The following ANKRD18B variants were observed in gnomAD, a reference collection of about 807,000 sequenced individuals.
The protein encoded by ANKRD18B is ankyrin repeat domain 18B, also known as ankyrin repeat domain-containing protein 18B.
Under a neutral mutation model 111.8 loss-of-function variants are expected in ANKRD18B, and 75 were observed. The ratio of observed to expected loss-of-function variants is 0.67; its 90% CI spans 0.56 to 0.81. The LOEUF is 0.81. ANKRD18B is among the 40% of genes least tolerant of loss of function. The pLI, the probability that ANKRD18B is intolerant of heterozygous loss-of-function variation, is 0.00. For synonymous variants in ANKRD18B, 356 were observed against 417.3 expected, an observed-to-expected ratio of 0.85 and a Z score of 1.79; for missense variants, 1,038 against 1,225.5, an observed-to-expected ratio of 0.85 and a Z score of 2.28.
chr9:33,570,550 G>T (rs557490170), intron 17 of ANKRD18B, among the ~76,000 whole-genome samples: 1 of 151,006 alleles, frequency 6.6e-6, no homozygotes, highest in East Asian at 1.9e-4. Flanking sequence ...AGTAAAAAAT[G>T]GATTAAACTT....
intron 1 of ANKRD18B, among the ~76,000 whole-genome samples, chr9:33,528,478 C>T (rs537572805): frequency 2.2e-4 from 33 of 152,234 alleles, no homozygotes; most frequent in Non-Finnish European, 3.8e-4. Context: ...GGTAGGTGAC[C>T]GAGTTCAAAG....
At chr9:33,533,280 G>A (rs1828143099) in intron 3 of ANKRD18B, among the ~76,000 whole-genome samples, 159 bp from the exon 4 acceptor site, 1 of 152,212 alleles carries the variant, frequency 6.6e-6, no homozygotes, top group Admixed American at 6.5e-5. Flanking sequence ...TCAAGGCAGT[G>A]TGTGGGAAAG....
At chr9:33,567,964 C>A (rs556340631) in intron 16 of ANKRD18B, among the ~76,000 whole-genome samples, 2 of 152,342 alleles carry the variant, frequency 1.3e-5, no homozygotes, top group East Asian at 3.9e-4. Flanking sequence ...GCAGAAAGAA[C>A]AAGCCCCACC....
intron 15 of ANKRD18B, 107 bp downstream of exon 15, chr9:33,566,607 G>GTA: frequency 2.2e-6 from 3 of 1,349,048 alleles, no homozygotes; most frequent in South Asian, 2.9e-5. Context: ...CCTCTCTTAC[G>GTA]GCAATTTCCT....
At chr9:33,527,110 C>G (rs1828035460) in intron 1 of ANKRD18B, among the ~76,000 whole-genome samples, 1 of 152,172 alleles carries the variant, frequency 6.6e-6, no homozygotes, top group Non-Finnish European at 1.5e-5. Flanking sequence ...TCCCACCTTT[C>G]AAGCAAAAGC....
chr9:33,558,280 T>C, intron 14 of ANKRD18B, 93 bp downstream of exon 14: 2 of 1,382,486 alleles, frequency 1.4e-6, no homozygotes, highest in Non-Finnish European at 2.0e-6. Flanking sequence ...GCCATGATGG[T>C]TTGCTGCACG....
In ANKRD18B at chr9:33,536,883, A is replaced by G. The variant is rs1043442788; in HGVS notation, c.746A>G (p.Gln249Arg). 7 of 1,486,916 alleles carry G rather than the reference A, an allele frequency of 4.7e-6. No homozygotes were observed. The African/African-American group carries it at 1.0e-4, about 21-fold the overall frequency. 92.1% of individuals were successfully genotyped at this position (1,486,916 alleles called of 1,614,324 possible). Residue 249 changes from glutamine (Q) to arginine (R), a missense_variant, in exon 6 of 19, where the codon CAA (glutamine) becomes CGA (arginine). By Grantham distance (43) the Gln-to-Arg change is conservative (BLOSUM62 1). Transcript: ENST00000684830. ...YAFCCDLRSIQQQILEHKNKM... is the reference protein window; with the variant it reads ...YAFCCDLRSIRQQILEHKNKM... The stretch of plus-strand genomic sequence containing the variant: ...ATTACATTTATTATGCATAGCATCC[A>G]ACAACAAATTTTGGAACATAAAAAT...
chr9:33,548,811 A>G lies in ANKRD18B; in HGVS notation c.2023A>G (p.Lys675Glu). The G allele has an allele frequency of 6.6e-7, 1 of 1,513,624 alleles. No individual in the cohort carries two copies. Among genetic ancestry groups the G allele is most frequent in the Non-Finnish European group, 8.8e-7 (1 of 1,132,318 alleles). 93.8% of individuals were successfully genotyped at this position (1,513,624 alleles called of 1,614,324 possible). Residue 675 changes from lysine (K) to glutamate (E), a missense_variant, in exon 11 of 19, where the codon AAA becomes GAA. Around this residue, in one of 4 missense-constraint regions of ANKRD18B, gnomAD observed 524 missense variants for 677.9 expected, o/e 0.77. Transcript: ENST00000684830. ...KELMNEYNYL[K>E]EKLLQYEKEK... is the part of the protein sequence containing the mutation. ...ATTAATGAATGAATATAATTATTTA[A>G]AAGAAAAACTGCTTCAGTATGAAAA...
intron 10 of ANKRD18B, among the ~76,000 whole-genome samples, chr9:33,544,213 G>C (rs559871078): frequency 6.6e-6 from 1 of 152,286 alleles, no homozygotes; most frequent in East Asian, 1.9e-4. Context: ...CAAACAGTGA[G>C]AGTTAAGCTT....
At chr9:33,529,969 C>T (rs1828087243) in intron 3 of ANKRD18B, among the ~76,000 whole-genome samples, 1 of 152,132 alleles carries the variant, frequency 6.6e-6, no homozygotes, top group Non-Finnish European at 1.5e-5. Context: ...TCTAGAATAT[C>T]TTGATGGGAA....
At position 33,547,927 on chromosome 9, in the gene ANKRD18B, G is replaced by T. The variant is rs1828384280; in HGVS notation, c.1150-11G>T. ...TGAGTGCTAACTAAAAATTTGTTTT[G>T]TTTTATTTAGGATTCTCAAAGTTAT... On this transcript the variant is annotated splice_polypyrimidine_tract_variant and intron_variant, in intron 10 of 18. Transcript: ENST00000684830. 1 of 1,403,742 alleles carries T rather than the reference G, an allele frequency of 7.1e-7. No homozygotes were observed. The highest frequency in any genetic ancestry group is 3.3e-5 in the Admixed American group (1 of 30,304). The allele number at this position is 1,403,742 out of a possible 1,614,324, so 87.0% of individuals were successfully genotyped here.
At position 33,558,430 on chromosome 9, in the gene ANKRD18B, T is replaced by C. The variant is rs199594472; in HGVS notation, c.2460+243T>C. ...GTTCTCATCATTCAGCTCCCACTTATAAGTGAGAGGATGCAGTGTTTGGTT... is the reference window on the plus strand; with the variant it reads ...GTTCTCATCATTCAGCTCCCACTTACAAGTGAGAGGATGCAGTGTTTGGTT... On this transcript the variant is annotated intron_variant, in intron 14 of 18. Transcript: ENST00000684830. Among the ~76,000 whole-genome samples the C allele has an allele frequency of 6.6e-5, 10 of 152,292 alleles. No individual in the cohort carries two copies. In the East Asian group the frequency reaches 1.7e-3, roughly 26 times the overall value.
rs542238333 is a variant in ANKRD18B, at chr9:33,552,818, T to G, written c.2217+2239T>G. On this transcript the variant is annotated intron_variant, in intron 12 of 18. Transcript: ENST00000684830. Reference sequence around the variant, plus strand: ...CACTATGTACATGTACTCTTCTAAGTGCTTCTAAGCAAATCTTACCTGTAG... The same window carrying G: ...CACTATGTACATGTACTCTTCTAAGGGCTTCTAAGCAAATCTTACCTGTAG... 9.9e-3 allele frequency among the ~76,000 whole-genome samples: 1,504 copies of G among 151,772 alleles called. 11 individuals carry two copies. The highest frequency in any genetic ancestry group is 0.015 in the Non-Finnish European group (1,045 of 67,904).
At chr9:33,567,530 T>C (rs1406758194) in intron 16 of ANKRD18B, among the ~76,000 whole-genome samples, 1 of 150,528 alleles carries the variant, frequency 6.6e-6, no homozygotes, top group Non-Finnish European at 1.5e-5. Context: ...TTTGTGTGGC[T>C]TTTTTCCCTG....
intron 17 of ANKRD18B, among the ~76,000 whole-genome samples, chr9:33,569,472 C>T (rs1828737083): frequency 6.6e-6 from 1 of 151,818 alleles, no homozygotes; most frequent in African/African-American, 2.4e-5. Context: ...ACCATATTGG[C>T]CAGGCAGGTC....
downstream of ANKRD18B, among the ~76,000 whole-genome samples, chr9:33,574,062 C>T (rs1213984499): frequency 1.4e-5 from 2 of 141,656 alleles, no homozygotes; most frequent in Non-Finnish European, 3.2e-5. Context: ...AGAGCCTGGT[C>T]AGAGGGGGCT....
At chr9:33,569,127 C>G in intron 17 of ANKRD18B, 1 of 373,492 alleles carries the variant, frequency 2.7e-6, no homozygotes, top group Non-Finnish European at 4.7e-6. Flanking sequence ...GTTAAACTGA[C>G]ACATTTAAAA....
rs1485564768 is a variant in ANKRD18B at position 33,559,606 on chromosome 9, A to G, written c.2460+1419A>G. ...ATCTCTCAGTGCTTTAAGCAGTGACAGATTTTTCATTTAATTTTACAGACT... is the reference window on the plus strand; with the variant it reads ...ATCTCTCAGTGCTTTAAGCAGTGACGGATTTTTCATTTAATTTTACAGACT... On this transcript the variant is annotated intron_variant, in intron 14 of 18. Transcript: ENST00000684830. Among the ~76,000 whole-genome samples, 5 of 152,148 alleles carry G rather than the reference A, an allele frequency of 3.3e-5. No homozygotes were observed. In the East Asian group the frequency reaches 9.6e-4, roughly 29 times the overall value.
chr9:33,537,553 CCTCT>C (rs1828219749), intron 6 of ANKRD18B, among the ~76,000 whole-genome samples: 2 of 152,028 alleles, frequency 1.3e-5, no homozygotes, highest in African/African-American at 4.8e-5. Flanking sequence ...GTTGCAATTT[CCTCT>C]GTAATTACAT....
Sources: allele counts gnomAD v4.1 joint callset (sites outside exome capture counted in the v4.1 genomes callset), GRCh38; gene constraint gnomAD v4.1.1; regional missense constraint gnomAD v4.1.1; transcripts MANE v1.5; gene names NCBI Gene and HGNC (gene_info 2026-07-23, HGNC 2026-07-21).